NME7: variants seen among roughly 807,000 people sequenced by gnomAD.
The protein encoded by NME7 is nucleoside diphosphate kinase 7.
NME7 carries 41 observed loss-of-function variants against 49.1 expected under a neutral mutation model. That is an observed-to-expected ratio of 0.83 (90% CI 0.65 to 1.08). The LOEUF (loss-of-function observed/expected upper bound fraction) is 1.08, where lower values mean the gene tolerates loss of function less well. NME7 is among the 50% of genes least tolerant of loss of function. NME7 has a pLI of 0.00. For missense variants in NME7, 423 were observed against 463.4 expected (o/e 0.91, Z 0.80); for synonymous variants, 139 against 150.6 (o/e 0.92, Z 0.56).
At chr1:169,210,113 A>G (rs1660769369) in intron 10 of NME7, among the ~76,000 whole-genome samples, 1 of 152,132 alleles carries the variant, frequency 6.6e-6, no homozygotes, top group Non-Finnish European at 1.5e-5. Context: ...CCCACAGTGT[A>G]TTTAATAATT....
intron 10 of NME7, among the ~76,000 whole-genome samples, chr1:169,203,591 C>T (rs1660603780): frequency 1.3e-5 from 2 of 152,098 alleles, no homozygotes; most frequent in African/African-American, 4.8e-5. Context: ...CATAAAAGCC[C>T]TCTGTGCTCA....
At chr1:169,349,506 C>T (rs1450801017) in intron 1 of NME7, among the ~76,000 whole-genome samples, 2 of 152,142 alleles carry the variant, frequency 1.3e-5, no homozygotes, top group African/African-American at 4.8e-5. Flanking sequence ...ATTCCTTTCG[C>T]TTGCTTTCTA....
chr1:169,229,398 A>G (rs556549995), intron 10 of NME7, among the ~76,000 whole-genome samples: 1 of 152,268 alleles, frequency 6.6e-6, no homozygotes, highest in East Asian at 1.9e-4. Context: ...ACCCCTGCTT[A>G]TATCTCTCTT....
At chr1:169,317,518 G>T (rs1243807942) in intron 3 of NME7, among the ~76,000 whole-genome samples, 1 of 152,074 alleles carries the variant, frequency 6.6e-6, no homozygotes, top group Non-Finnish European at 1.5e-5. Flanking sequence ...AAAGATTGGG[G>T]GTGAGTTTTT....
intron 10 of NME7, among the ~76,000 whole-genome samples, chr1:169,226,289 T>C (rs1247338984): frequency 3.9e-5 from 6 of 152,314 alleles, no homozygotes; most frequent in Admixed American, 3.9e-4. Flanking sequence ...TAGAGCTAGA[T>C]CATACATTCT....
At chr1:169,165,852 G>A (rs1659399250) in intron 11 of NME7, among the ~76,000 whole-genome samples, 1 of 152,128 alleles carries the variant, frequency 6.6e-6, no homozygotes, top group African/African-American at 2.4e-5. Context: ...AGTGAGGCAT[G>A]GAAAGAAAAT....
At chr1:169,217,475 A>G (rs1661003820) in intron 10 of NME7, among the ~76,000 whole-genome samples, 1 of 152,200 alleles carries the variant, frequency 6.6e-6, no homozygotes, top group East Asian at 1.9e-4. Context: ...AATTAACTAT[A>G]TTGTTAAAAT....
intron 10 of NME7, among the ~76,000 whole-genome samples, chr1:169,172,054 C>T (rs1659612159): frequency 6.6e-6 from 1 of 152,084 alleles, no homozygotes; most frequent in African/African-American, 2.4e-5. Context: ...TGTGAAGGCG[C>T]TGATTTACTC....
chr1:169,363,683 T>C (rs1653745070), intron 1 of NME7, among the ~76,000 whole-genome samples: 1 of 152,252 alleles, frequency 6.6e-6, no homozygotes, highest in Non-Finnish European at 1.5e-5. Context: ...TCCTAAAATA[T>C]ACCAATCTCT....
intron 1 of NME7, among the ~76,000 whole-genome samples, chr1:169,328,520 C>G (rs908659133): frequency 6.6e-6 from 1 of 151,782 alleles, no homozygotes; most frequent in Non-Finnish European, 1.5e-5. Flanking sequence ...CTGCAACTAA[C>G]CCTAGGTAAA....
chr1:169,295,800 A>G (rs1275570809), intron 6 of NME7, among the ~76,000 whole-genome samples: 1 of 152,080 alleles, frequency 6.6e-6, no homozygotes, highest in Non-Finnish European at 1.5e-5. Flanking sequence ...CCAGATCACC[A>G]TTTCACATAT....
intron 10 of NME7, among the ~76,000 whole-genome samples, chr1:169,173,698 C>A (rs866525777): frequency 1.3e-5 from 2 of 152,110 alleles, no homozygotes; most frequent in Non-Finnish European, 1.5e-5. Flanking sequence ...AGCACTTCCC[C>A]CCTCCATTTC....
chr1:169,218,606 A>T (rs1224767902), intron 10 of NME7, among the ~76,000 whole-genome samples: 25 of 151,902 alleles, frequency 1.6e-4, no homozygotes, highest in Non-Finnish European at 4.4e-5. Flanking sequence ...CAAAGCAAAG[A>T]AAAAATAATA....
At chr1:169,355,367 T>TACACACACAC (rs36138444) in intron 1 of NME7, among the ~76,000 whole-genome samples, 9 of 71,212 alleles carry the variant, frequency 1.3e-4, no homozygotes, top group African/African-American at 4.0e-4. Flanking sequence ...ATATATATTA[T>TACACACACAC]ACACACACAC....
At chr1:169,135,600 G>A (rs1658405255) in intron 11 of NME7, among the ~76,000 whole-genome samples, 1 of 151,932 alleles carries the variant, frequency 6.6e-6, no homozygotes, top group African/African-American at 2.4e-5. Flanking sequence ...TTTAAGAGGG[G>A]GCTACTGTTA....
At chr1:169,173,153 T>A (rs984035585) in intron 10 of NME7, among the ~76,000 whole-genome samples, 1 of 152,178 alleles carries the variant, frequency 6.6e-6, no homozygotes, top group African/African-American at 2.4e-5. Context: ...TTATTTAACC[T>A]CTCTATGCCT....
At chr1:169,290,188 A>G (rs1344166631) in intron 6 of NME7, among the ~76,000 whole-genome samples, 1 of 152,126 alleles carries the variant, frequency 6.6e-6, no homozygotes, top group Admixed American at 6.6e-5. Context: ...ATTAATCTAT[A>G]CTAATAATTT....
At chr1:169,353,862 C>T (rs1253800074) in intron 1 of NME7, among the ~76,000 whole-genome samples, 1 of 152,006 alleles carries the variant, frequency 6.6e-6, no homozygotes, top group Non-Finnish European at 1.5e-5. Context: ...TATCACCTCA[C>T]CCCATTTTAA....
intron 7 of NME7, among the ~76,000 whole-genome samples, chr1:169,259,629 T>C (rs943123265): frequency 7.5e-6 from 1 of 134,022 alleles, no homozygotes; most frequent in African/African-American, 2.5e-5. Context: ...ATCAAATAAT[T>C]TGAGGTGCAT....
Sources: allele counts gnomAD v4.1 joint callset (sites outside exome capture counted in the v4.1 genomes callset), GRCh38; gene constraint gnomAD v4.1.1; transcripts MANE v1.5; gene names NCBI Gene and HGNC (gene_info 2026-07-23, HGNC 2026-07-21).